BMPR2: variants seen among roughly 807,000 people sequenced by gnomAD.
The protein encoded by BMPR2 is bone morphogenetic protein receptor type-2.
Under a neutral mutation model 100.8 loss-of-function variants are expected in BMPR2, and 29 were observed. The observed-to-expected ratio is 0.29, with a 90% CI of 0.21 to 0.39. BMPR2 has a LOEUF of 0.39. BMPR2 is among the 10% of genes least tolerant of loss of function. The pLI is 1.00. For missense variants in BMPR2, 1,011 were observed against 1,274.5 expected (o/e 0.79, Z 3.15); for synonymous variants, 382 against 442.3 (o/e 0.86, Z 1.71).
At chr2:202,390,141 C>G (rs1309919957) in intron 1 of BMPR2, among the ~76,000 whole-genome samples, 2 of 151,822 alleles carry the variant, frequency 1.3e-5, no homozygotes, top group Admixed American at 6.6e-5. Flanking sequence ...TGCTTCTAAA[C>G]AAGGTGGAAT....
chr2:202,508,570 G>T (rs1212324181), intron 3 of BMPR2, among the ~76,000 whole-genome samples: 2 of 152,230 alleles, frequency 1.3e-5, no homozygotes, highest in African/African-American at 4.8e-5. Context: ...AACTCTGGCA[G>T]AATGTCCACT....
chr2:202,382,064 T>C, intron 1 of BMPR2, among the ~76,000 whole-genome samples: 1 of 138,648 alleles, frequency 7.2e-6, no homozygotes, highest in East Asian at 1.9e-4. Flanking sequence ...TTTTGTTTTT[T>C]TTTTTTTTTT....
intron 3 of BMPR2, among the ~76,000 whole-genome samples, chr2:202,500,523 C>T (rs1422579558): frequency 2.0e-5 from 3 of 152,146 alleles, no homozygotes; most frequent in Admixed American, 6.5e-5. Context: ...AATGCCCGCC[C>T]AGTCCAAATC....
chr2:202,468,212 C>T (rs1290275707), intron 3 of BMPR2, among the ~76,000 whole-genome samples: 1 of 152,070 alleles, frequency 6.6e-6, no homozygotes, highest in Non-Finnish European at 1.5e-5. Flanking sequence ...CACAGTGGCT[C>T]ATGCCTGTAA....
intron 3 of BMPR2, among the ~76,000 whole-genome samples, chr2:202,507,020 C>T (rs1272488339): frequency 1.3e-5 from 2 of 151,222 alleles, no homozygotes; most frequent in African/African-American, 4.9e-5. Flanking sequence ...TTGTAGTGAC[C>T]CGAGATCGTG....
At chr2:202,513,620 A>T in intron 3 of BMPR2, 99 bp from the exon 4 acceptor site, 1 of 765,124 alleles carries the variant, frequency 1.3e-6, no homozygotes, top group Non-Finnish European at 2.2e-6. Flanking sequence ...TACTAATTTG[A>T]TTATACATGG....
chr2:202,500,246 G>A (rs1687354712), intron 3 of BMPR2, among the ~76,000 whole-genome samples: 1 of 151,684 alleles, frequency 6.6e-6, no homozygotes, highest in Admixed American at 6.6e-5. Context: ...CTCAAGGTCC[G>A]TTACCATCCG....
At chr2:202,396,548 C>G (rs1690659548) in intron 1 of BMPR2, among the ~76,000 whole-genome samples, 1 of 152,010 alleles carries the variant, frequency 6.6e-6, no homozygotes, top group Non-Finnish European at 1.5e-5. Flanking sequence ...GACATCTAGG[C>G]TTATCTATTT....
Position 202,561,786 on chromosome 2 carries a change from C to T in BMPR2, c.*1840C>T, listed in dbSNP as rs1053310171. Reference sequence around the variant, plus strand: ...ATTTGTGATTTACTTGTATATAAGCCTTCTCATTTGCCATGTGCTGTGATC... The same window carrying T: ...ATTTGTGATTTACTTGTATATAAGCTTTCTCATTTGCCATGTGCTGTGATC... On this transcript the variant is annotated 3_prime_UTR_variant, in exon 13 of 13. Transcript: ENST00000374580. 1.4e-4 allele frequency: 21 copies of T among 152,042 alleles called. No individual in the cohort carries two copies. The highest frequency in any genetic ancestry group is 5.1e-4 in the African/African-American group (21 of 41,438). The allele number at this position is 152,042 out of a possible 1,614,324, so 9.4% of individuals were successfully genotyped here.
intron 10 of BMPR2, among the ~76,000 whole-genome samples, chr2:202,551,236 GC>G (rs1222772531): frequency 6.6e-5 from 10 of 151,704 alleles, no homozygotes; most frequent in Admixed American, 6.6e-4. Context: ...CTTTCCCCTG[GC>G]CAGGCGCAGT....
At chr2:202,471,598 A>G (rs991248796) in intron 3 of BMPR2, among the ~76,000 whole-genome samples, 1 of 152,154 alleles carries the variant, frequency 6.6e-6, no homozygotes, top group Non-Finnish European at 1.5e-5. Context: ...ACCCCAAATT[A>G]GGAATGTTCT....
intron 1 of BMPR2, among the ~76,000 whole-genome samples, chr2:202,393,884 A>T (rs916553906): frequency 3.6e-5 from 1 of 27,442 alleles, no homozygotes; most frequent in Non-Finnish European, 8.1e-5. Flanking sequence ...TGAGAGAGCG[A>T]GAGAGAGAGA....
intron 1 of BMPR2, among the ~76,000 whole-genome samples, chr2:202,409,458 G>A (rs925903640): frequency 2.0e-5 from 3 of 152,056 alleles, no homozygotes; most frequent in African/African-American, 7.2e-5. Context: ...GCTCATGACT[G>A]TAATCCTAGC....
At chr2:202,411,697 G>C (rs1326370812) in intron 1 of BMPR2, among the ~76,000 whole-genome samples, 1 of 152,096 alleles carries the variant, frequency 6.6e-6, no homozygotes, top group Non-Finnish European at 1.5e-5. Context: ...GATGCTTCCT[G>C]ATGCAGTGCA....
At chr2:202,411,225 C>T (rs1379415137) in intron 1 of BMPR2, among the ~76,000 whole-genome samples, 1 of 152,186 alleles carries the variant, frequency 6.6e-6, no homozygotes, top group Non-Finnish European at 1.5e-5. Flanking sequence ...ACCACTCTAA[C>T]CTGGTGACAC....
At chr2:202,517,131 A>C (rs1279191519) in intron 5 of BMPR2, among the ~76,000 whole-genome samples, 1 of 151,806 alleles carries the variant, frequency 6.6e-6, no homozygotes, top group Admixed American at 6.6e-5. Context: ...GAGGCAGGAG[A>C]ATCACTTGAA....
At chr2:202,385,007 C>G (rs1690397946) in intron 1 of BMPR2, among the ~76,000 whole-genome samples, 1 of 151,970 alleles carries the variant, frequency 6.6e-6, no homozygotes, top group South Asian at 2.1e-4. Flanking sequence ...TCATTCTGCC[C>G]CAGTAAGTTT....
At chr2:202,465,214 C>A (rs1282558739) in intron 2 of BMPR2, among the ~76,000 whole-genome samples, 5 of 151,978 alleles carry the variant, frequency 3.3e-5, no homozygotes, top group Non-Finnish European at 7.4e-5. Context: ...CATGGTGAAA[C>A]CCCGTCTCTA....
chr2:202,550,872 T>A (rs1408914747), intron 10 of BMPR2, among the ~76,000 whole-genome samples: 1 of 151,554 alleles, frequency 6.6e-6, no homozygotes, highest in Non-Finnish European at 1.5e-5. Flanking sequence ...GTTACCTAAG[T>A]AGGCTTTTGG....
Sources: allele counts gnomAD v4.1 joint callset (sites outside exome capture counted in the v4.1 genomes callset), GRCh38; gene constraint gnomAD v4.1.1; transcripts MANE v1.5; gene names NCBI Gene and HGNC (gene_info 2026-07-23, HGNC 2026-07-21).